Variants in CEMIP observed in about 807,000 individuals in gnomAD.
CEMIP encodes the protein cell migration-inducing and hyaluronan-binding protein.
CEMIP carries 105 observed loss-of-function variants against 156.9 expected under a neutral mutation model. The observed-to-expected ratio is 0.67, with a 90% CI of 0.57 to 0.79. The LOEUF (loss-of-function observed/expected upper bound fraction) is 0.79. CEMIP is among the 30% of genes least tolerant of loss of function. CEMIP has a pLI of 0.00. For missense variants in CEMIP, 1,457 were observed against 1,769.4 expected (o/e 0.82, Z 3.17); for synonymous variants, 676 against 668.4 (o/e 1.01, Z -0.17).
At chr15:80,897,207 G>T (rs982626904) in intron 12 of CEMIP, 3 of 453,936 alleles carry the variant, frequency 6.6e-6, no homozygotes, top group Non-Finnish European at 1.3e-5. Flanking sequence ...AGAATATGGG[G>T]TTGGGAGAAA....
intron 1 of CEMIP, among the ~76,000 whole-genome samples, chr15:80,807,949 C>T (rs1362857164): frequency 6.6e-6 from 1 of 152,196 alleles, no homozygotes; most frequent in East Asian, 1.9e-4. Flanking sequence ...TGTCCGCAGG[C>T]TCCTGCTGAC....
intron 3 of CEMIP, 58 bp from the exon 4 acceptor site, chr15:80,878,663 C>T: frequency 6.2e-7 from 1 of 1,611,838 alleles, no homozygotes; most frequent in Non-Finnish European, 8.5e-7. Context: ...TGGCCTGTAG[C>T]ATTCTTGCTT....
At chr15:80,815,352 G>C (rs1896766394) in intron 1 of CEMIP, among the ~76,000 whole-genome samples, 1 of 152,228 alleles carries the variant, frequency 6.6e-6, no homozygotes, top group Non-Finnish European at 1.5e-5. Flanking sequence ...ATCTAGCTTT[G>C]AGACATTGGG....
intron 24 of CEMIP, 122 bp from the exon 25 acceptor site, chr15:80,937,672 C>G: frequency 1.2e-6 from 1 of 867,368 alleles, no homozygotes. Flanking sequence ...TTCAAAATTT[C>G]CCATACAAAA....
intron 12 of CEMIP, among the ~76,000 whole-genome samples, chr15:80,904,731 A>C (rs972161760): frequency 5.3e-5 from 8 of 152,144 alleles, no homozygotes; most frequent in Admixed American, 5.2e-4. Flanking sequence ...AGGGCAAGGA[A>C]CAGATTCTCC....
chr15:80,830,956 A>G (rs2141677905), intron 1 of CEMIP, among the ~76,000 whole-genome samples: 1 of 152,228 alleles, frequency 6.6e-6, no homozygotes, highest in South Asian at 2.1e-4. Context: ...TTTTATGTGT[A>G]TTTTGCCTAT....
chr15:80,915,657 C>T (rs1003252059), intron 14 of CEMIP, among the ~76,000 whole-genome samples: 7 of 152,092 alleles, frequency 4.6e-5, no homozygotes, highest in African/African-American at 7.2e-5. Context: ...AACGCTTCCC[C>T]CCAGGCTACT....
intron 19 of CEMIP, among the ~76,000 whole-genome samples, chr15:80,927,442 A>G (rs1056968161): frequency 2.0e-5 from 3 of 152,134 alleles, no homozygotes; most frequent in Admixed American, 1.3e-4. Flanking sequence ...GTTGAAGAGA[A>G]ACTAGATGGT....
At chr15:80,800,549 C>T (rs79407558) in intron 1 of CEMIP, among the ~76,000 whole-genome samples, 7,082 of 152,208 alleles carry the variant, frequency 0.047, 207 homozygotes, top group Middle Eastern at 0.092. Flanking sequence ...TTGGGAAAAC[C>T]TTGATTTTCA....
intron 1 of CEMIP, among the ~76,000 whole-genome samples, chr15:80,796,424 C>T (rs73497016): frequency 0.015 from 2,216 of 152,270 alleles, 50 homozygotes; most frequent in African/African-American, 0.051. Flanking sequence ...TCCTGGAGAG[C>T]TCTGATGGAG....
rs559173369 is a variant in CEMIP, at chr15:80,835,761, G to T, written c.-175-37777G>T. Reference sequence around the variant, plus strand: ...TTCCTCTTTCTTAGGGACCTTGCAGGCTGGTGCTATGATCATCCACAGTCT... The same window carrying T: ...TTCCTCTTTCTTAGGGACCTTGCAGTCTGGTGCTATGATCATCCACAGTCT... On this transcript the variant is annotated intron_variant, in intron 1 of 29. Transcript: ENST00000394685. Among the ~76,000 whole-genome samples the T allele has an allele frequency of 1.4e-3, 211 of 152,274 alleles. 1 individual carries two copies. Among genetic ancestry groups the T allele is most frequent in the Non-Finnish European group, 5.3e-4 (36 of 68,020 alleles).
At chr15:80,807,230 A>AT (rs5814038) in intron 1 of CEMIP, among the ~76,000 whole-genome samples, 29,595 of 139,070 alleles carry the variant, frequency 0.21, 3,462 homozygotes, top group African/African-American at 0.32. Context: ...TCTAGAGAGG[A>AT]TTTTTTTTTT....
Position 80,789,312 on chromosome 15 carries a change from A to G in CEMIP, c.-176+9698A>G, listed in dbSNP as rs914673287. On this transcript the variant is annotated intron_variant, in intron 1 of 29. Transcript: ENST00000394685. The stretch of plus-strand genomic sequence containing the variant: ...GAAGACAGGAACGTGTGTCCTCTTC[A>G]GACTTGGGATCTGACGTTGCTCTCT... Among the ~76,000 whole-genome samples, 3 of 152,182 alleles carry G rather than the reference A, an allele frequency of 2.0e-5. No homozygotes were observed. In the South Asian group the frequency reaches 6.2e-4, roughly 32 times the overall value.
At chr15:80,846,839 C>T (rs1035439866) in intron 1 of CEMIP, among the ~76,000 whole-genome samples, 2 of 152,220 alleles carry the variant, frequency 1.3e-5, no homozygotes, top group African/African-American at 4.8e-5. Flanking sequence ...GCCTAATAAT[C>T]ACTTGTTGTG....
chr15:80,948,784 C>T lies in CEMIP; in HGVS notation c.3959-13C>T, dbSNP rs371037130. The T allele has an allele frequency of 3.7e-6, 6 of 1,613,966 alleles. No homozygotes were observed. The African/African-American group carries it at 8.0e-5, about 22-fold the overall frequency. ...TAGGGCTTTTGCTCAGGAGACTCATCATTGCTTTTCAGAGCAAATGGCATT... is the reference window on the plus strand; with the variant it reads ...TAGGGCTTTTGCTCAGGAGACTCATTATTGCTTTTCAGAGCAAATGGCATT... On this transcript the variant is annotated splice_polypyrimidine_tract_variant and intron_variant, in intron 29 of 29. Transcript: ENST00000394685.
intron 1 of CEMIP, among the ~76,000 whole-genome samples, chr15:80,790,956 C>T (rs1596090143): frequency 6.6e-6 from 1 of 152,196 alleles, no homozygotes; most frequent in Middle Eastern, 3.4e-3. Flanking sequence ...GGAAGCACTA[C>T]AAAGTGATGG....
At chr15:80,947,193 A>C in intron 29 of CEMIP, 128 bp downstream of exon 29, 1 of 667,448 alleles carries the variant, frequency 1.5e-6, no homozygotes, top group Admixed American at 2.2e-5. Context: ...ACAACCTAAG[A>C]ATCCCCCACA....
At chr15:80,914,473 A>G (rs1384825617) in intron 14 of CEMIP, among the ~76,000 whole-genome samples, 1 of 152,148 alleles carries the variant, frequency 6.6e-6, no homozygotes, top group East Asian at 1.9e-4. Context: ...TGTGCCCTGC[A>G]CTGCTCCAGG....
intron 4 of CEMIP, among the ~76,000 whole-genome samples, chr15:80,879,352 A>G (rs1898567505): frequency 6.6e-6 from 1 of 152,254 alleles, no homozygotes; most frequent in South Asian, 2.1e-4. Context: ...TCCTTAAAAT[A>G]CAGTTTGACA....
Sources: allele counts gnomAD v4.1 joint callset (sites outside exome capture counted in the v4.1 genomes callset), GRCh38; gene constraint gnomAD v4.1.1; transcripts MANE v1.5; gene names NCBI Gene and HGNC (gene_info 2026-07-23, HGNC 2026-07-21).